FBXL13: variants seen among roughly 807,000 people sequenced by gnomAD.
FBXL13 encodes F-box and leucine-rich repeat protein 13.
Under a neutral mutation model 83.6 loss-of-function variants are expected in FBXL13, and 67 were observed. That is an observed-to-expected ratio of 0.80 (90% confidence interval 0.66 to 0.98). FBXL13 has a LOEUF of 0.98. Ranked by LOEUF, FBXL13 falls within the 50% of genes least tolerant of loss-of-function variation. The pLI is 0.00. For synonymous variants in FBXL13, 272 were observed against 299.5 expected (o/e 0.91, Z 0.95); for missense variants, 822 against 866.5 (o/e 0.95, Z 0.64).
intron 8 of FBXL13, chr7:102,933,901 G>A (rs369316678): frequency 6.3e-7 from 1 of 1,584,528 alleles, no homozygotes; most frequent in Non-Finnish European, 8.6e-7. Context: ...ATTGGGGCCA[G>A]CTGGATGTCA....
chr7:102,996,999 A>C (rs1232929044), intron 6 of FBXL13, among the ~76,000 whole-genome samples: 2 of 152,192 alleles, frequency 1.3e-5, no homozygotes, highest in African/African-American at 4.8e-5. Flanking sequence ...GATATATTTG[A>C]GAATTACTAG....
intron 8 of FBXL13, among the ~76,000 whole-genome samples, chr7:102,956,097 C>T (rs949642551): frequency 2.6e-5 from 4 of 152,098 alleles, no homozygotes; most frequent in African/African-American, 9.7e-5. Flanking sequence ...GAATTTTAGA[C>T]CAATATCCCT....
chr7:102,896,785 T>G (rs903941074), intron 11 of FBXL13, among the ~76,000 whole-genome samples: 1 of 152,228 alleles, frequency 6.6e-6, no homozygotes, highest in African/African-American at 2.4e-5. Flanking sequence ...TGACCTCATC[T>G]GAATTAATTA....
chr7:102,954,043 C>T (rs2129477596), intron 8 of FBXL13, among the ~76,000 whole-genome samples: 1 of 152,232 alleles, frequency 6.6e-6, no homozygotes, highest in South Asian at 2.1e-4. Context: ...TCTGCATTTC[C>T]AACTGAGGTA....
intron 7 of FBXL13, among the ~76,000 whole-genome samples, chr7:102,964,527 C>G (rs1418014656): frequency 4.6e-5 from 7 of 151,456 alleles, no homozygotes; most frequent in Non-Finnish European, 1.5e-5. Context: ...CTCAGCCTCC[C>G]AAGTAGCTGG....
rs139522112 is a variant in FBXL13 at position 103,028,728 on chromosome 7, C to T, written c.89G>A (p.Arg30His). 5.3e-4 allele frequency: 846 copies of T among 1,585,122 alleles called. No homozygotes were observed. Among genetic ancestry groups the T allele is most frequent in the African/African-American group, 1.3e-3 (97 of 73,832 alleles). Residue 30 changes from arginine to histidine, a missense_variant, in exon 4 of 20, where the codon CGT becomes CAT. Transcript: ENST00000313221. ...AGCCAGGACGACATTTTCATTTGTA[C>T]GAGCTATGTCTCTCCAAGTGCTGCA... is the stretch of plus-strand genomic sequence containing the variant.
At chr7:102,878,240 G>T in intron 15 of FBXL13, 91 bp downstream of exon 16, 1 of 1,142,954 alleles carries the variant, frequency 8.7e-7, no homozygotes, top group Non-Finnish European at 1.2e-6. Context: ...TCCCCCAAAT[G>T]TCATGAAATC....
chr7:103,046,238 C>T (rs1796260491), intron 2 of FBXL13, among the ~76,000 whole-genome samples: 1 of 152,166 alleles, frequency 6.6e-6, no homozygotes, highest in South Asian at 2.1e-4. Flanking sequence ...GTGTCAGAAG[C>T]TGCACAGGTA....
chr7:103,065,027 G>A (rs1292061191), intron 1 of FBXL13, among the ~76,000 whole-genome samples: 7 of 152,166 alleles, frequency 4.6e-5, no homozygotes, highest in Non-Finnish European at 1.0e-4. Context: ...CAAACTAAGT[G>A]ATTCCTGTTG....
At chr7:103,001,690 G>A (rs2129485608) in intron 6 of FBXL13, among the ~76,000 whole-genome samples, 1 of 152,282 alleles carries the variant, frequency 6.6e-6, no homozygotes, top group South Asian at 2.1e-4. Context: ...CTTCCCTGCT[G>A]GACACTTGCT....
intron 6 of FBXL13, chr7:102,973,310 A>G (rs1826967934): frequency 3.7e-6 from 2 of 545,236 alleles, no homozygotes; most frequent in Admixed American, 5.3e-5. Flanking sequence ...CAGCAGCGTG[A>G]GTCAGCAAGA....
rs78879003 is a variant in FBXL13 at position 102,943,076 on chromosome 7, A to C, written c.725-11143T>G. Among the ~76,000 whole-genome samples the C allele has an allele frequency of 4.5e-3, 690 of 152,296 alleles. 5 individuals carry two copies. Among genetic ancestry groups the C allele is most frequent in the African/African-American group, 0.016 (661 of 41,554 alleles). ...AAATACATATGGATTCAAAGCTGATAGCTACCATAGTTTGCCAAAATACAA... is the reference window on the plus strand; with the variant it reads ...AAATACATATGGATTCAAAGCTGATCGCTACCATAGTTTGCCAAAATACAA... On this transcript the variant is annotated intron_variant, in intron 8 of 19. Transcript: ENST00000313221.
chr7:102,976,228 C>G (rs1311415510), intron 6 of FBXL13: 2 of 739,728 alleles, frequency 2.7e-6, no homozygotes, highest in African/African-American at 1.7e-5. Flanking sequence ...CTGATGGTGG[C>G]AGGTAGGCCA....
chr7:103,006,854 CAAAGAAAAAAATGAACTTA>C (rs1355305616), intron 6 of FBXL13, among the ~76,000 whole-genome samples: 3 of 148,460 alleles, frequency 2.0e-5, no homozygotes, highest in Non-Finnish European at 4.5e-5. Flanking sequence ...TTCAAGGATA[CAAAGAAAAAAATGAACTTA>C]AAAGAAGGGA....
intron 1 of FBXL13, among the ~76,000 whole-genome samples, chr7:103,063,712 C>CTTTTTTTT (rs34739663): frequency 3.9e-5 from 4 of 101,692 alleles, no homozygotes; most frequent in Admixed American, 1.2e-4. Flanking sequence ...CAAACTTAGG[C>CTTTTTTTT]TTTTTTTTTT....
chr7:103,049,127 A>G (rs1400336365), intron 2 of FBXL13, among the ~76,000 whole-genome samples: 1 of 152,152 alleles, frequency 6.6e-6, no homozygotes, highest in Non-Finnish European at 1.5e-5. Context: ...ACAAGAATTT[A>G]CTCTACAAGA....
chr7:103,042,349 C>T (rs1199021682), intron 2 of FBXL13, among the ~76,000 whole-genome samples: 1 of 152,190 alleles, frequency 6.6e-6, no homozygotes, highest in Non-Finnish European at 1.5e-5. Flanking sequence ...GAAGAACATT[C>T]CATGCTCATG....
At chr7:102,999,243 A>G (rs1790140907) in intron 6 of FBXL13, among the ~76,000 whole-genome samples, 1 of 152,120 alleles carries the variant, frequency 6.6e-6, no homozygotes, top group South Asian at 2.1e-4. Context: ...TGTATGTTGA[A>G]CCATCTTTGC....
intron 11 of FBXL13, among the ~76,000 whole-genome samples, chr7:102,896,301 G>A (rs990823872): frequency 6.6e-6 from 1 of 152,184 alleles, no homozygotes; most frequent in Non-Finnish European, 1.5e-5. Context: ...TAGACTTGCA[G>A]GAGGCAGGGG....
Sources: allele counts gnomAD v4.1 joint callset (sites outside exome capture counted in the v4.1 genomes callset), GRCh38; gene constraint gnomAD v4.1.1; transcripts MANE v1.5; gene names NCBI Gene and HGNC (gene_info 2026-07-23, HGNC 2026-07-21).